NR6A1: variants seen among roughly 807,000 people sequenced by gnomAD.
The protein encoded by NR6A1 is nuclear receptor subfamily 6 group A member 1.
Under a neutral mutation model 59.1 loss-of-function variants are expected in NR6A1, and 7 were observed. That is an observed-to-expected ratio of 0.12 (90% confidence interval 0.07 to 0.22). The LOEUF (loss-of-function observed/expected upper bound fraction) is 0.22. Ranked by LOEUF, NR6A1 falls within the 10% of genes least tolerant of loss-of-function variation. The pLI is 1.00. For missense variants in NR6A1, 468 were observed against 611.6 expected (o/e 0.77, Z 2.48); for synonymous variants, 243 against 236.1 (o/e 1.03, Z -0.27).
chr9:124,554,538 T>C lies in NR6A1; in HGVS notation c.175A>G (p.Thr59Ala). Reference sequence around the variant, plus strand: ...GCGCGGTCCCCACAAATGAGACAGGTTCGTTGTTCAGCCCGATCATCTGAA... The same window carrying C: ...GCGCGGTCCCCACAAATGAGACAGGCTCGTTGTTCAGCCCGATCATCTGAA... ...SVSDDRAEQR[T>A]CLICGDRATG... The change falls in exon 3 of 10, where the codon ACC (threonine) becomes GCC (alanine). Residue 59 changes from threonine (T) to alanine (A), a missense_variant. Physicochemically the swap from Thr to Ala is moderately conservative, Grantham distance 58 (BLOSUM62 0). This residue lies in a region of NR6A1 where 66 missense variants were observed against 139.2 expected (regional missense o/e 0.47). Coordinates refer to ENST00000487099, the MANE Select transcript of NR6A1 (RefSeq NM_033334.4). 6.2e-7 allele frequency: 1 copy of C among 1,614,124 alleles called. No homozygotes were observed. The highest frequency in any genetic ancestry group is 8.5e-7 in the Non-Finnish European group (1 of 1,180,010).
At chr9:124,751,761 T>C (rs1172066089) in intron 1 of NR6A1, among the ~76,000 whole-genome samples, 1 of 152,180 alleles carries the variant, frequency 6.6e-6, no homozygotes, top group Non-Finnish European at 1.5e-5. Context: ...TACAATAAAT[T>C]AGAAATAGGA....
chr9:124,663,895 AAGTT>A (rs1473449079), intron 2 of NR6A1, among the ~76,000 whole-genome samples: 7 of 152,282 alleles, frequency 4.6e-5, no homozygotes, highest in Admixed American at 4.6e-4. Flanking sequence ...TGCTGATACA[AAGTT>A]AGTACCATTA....
At position 124,538,063 on chromosome 9, in the gene NR6A1, AGGGGCCAAGAAGGGCG is replaced by A. The variant is rs1282918226; in HGVS notation, c.824+13_824+28del. On this transcript the variant is annotated intron_variant, in intron 6 of 9. Transcript: ENST00000487099. ...GGGGTAGGGACACTTTGAGACTGCAAGGGGCCAAGAAGGGCGGAGCTCACTCACCCATCTTCAATCA... is the reference window on the plus strand; with the variant it reads ...GGGGTAGGGACACTTTGAGACTGCAAGAGCTCACTCACCCATCTTCAATCA... 6.4e-7 allele frequency: 1 copy of A among 1,570,276 alleles called. No homozygotes were observed. Among genetic ancestry groups the A allele is most frequent in the Non-Finnish European group, 8.7e-7 (1 of 1,153,974 alleles).
chr9:124,725,772 T>C (rs1195216627), intron 2 of NR6A1, among the ~76,000 whole-genome samples: 1 of 152,184 alleles, frequency 6.6e-6, no homozygotes, highest in Non-Finnish European at 1.5e-5. Flanking sequence ...AATTCGTCTC[T>C]AGTCAACTTA....
At chr9:124,749,767 A>G (rs1487391459) in intron 1 of NR6A1, among the ~76,000 whole-genome samples, 1 of 152,172 alleles carries the variant, frequency 6.6e-6, no homozygotes, top group Non-Finnish European at 1.5e-5. Flanking sequence ...CCCCGCTAAA[A>G]TCACACTCTT....
At chr9:124,650,333 G>T (rs563854016) in intron 2 of NR6A1, among the ~76,000 whole-genome samples, 91 of 152,034 alleles carry the variant, frequency 6.0e-4, no homozygotes, top group Non-Finnish European at 1.1e-3. Context: ...GCTGGGCACC[G>T]AAAGACAAAT....
At chr9:124,696,938 G>A (rs1299899953) in intron 2 of NR6A1, among the ~76,000 whole-genome samples, 1 of 152,194 alleles carries the variant, frequency 6.6e-6, no homozygotes, top group Non-Finnish European at 1.5e-5. Context: ...GATTATAGGC[G>A]TGAGCCACCG....
intron 2 of NR6A1, among the ~76,000 whole-genome samples, chr9:124,561,789 G>A (rs1024531057): frequency 2.0e-5 from 3 of 152,126 alleles, no homozygotes; most frequent in African/African-American, 4.8e-5. Context: ...GTATGCGCCT[G>A]TAATACCAGC....
chr9:124,740,198 T>C (rs1297444742), intron 1 of NR6A1, among the ~76,000 whole-genome samples: 1 of 152,168 alleles, frequency 6.6e-6, no homozygotes, highest in Admixed American at 6.5e-5. Flanking sequence ...GAGCCCACCT[T>C]TACTCACCAC....
chr9:124,624,195 T>C (rs1836168340), intron 2 of NR6A1, among the ~76,000 whole-genome samples: 1 of 151,886 alleles, frequency 6.6e-6, no homozygotes, highest in Admixed American at 6.6e-5. Context: ...GGGGCAAGAG[T>C]TAATGTACTC....
rs753948156 is a variant in NR6A1 at position 124,540,182 on chromosome 9, C to T, written c.447G>A (p.Ser149=). 19 of 1,612,852 alleles carry T rather than the reference C, an allele frequency of 1.2e-5. No individual in the cohort carries two copies. The highest frequency in any genetic ancestry group is 1.4e-5 in the Non-Finnish European group (16 of 1,179,504). ...RNKSIGPVQI[S]EEEIERIMSG... ...ACATGATCCTTTCGATTTCTTCTTC[C>T]GATATCTTTGACAAGGAATTGAGAC... Residue 149 remains serine (S), a synonymous_variant, in exon 5 of 10, where the codon TCG becomes TCA. Coordinates refer to ENST00000487099, the MANE Select transcript of NR6A1 (RefSeq NM_033334.4).
At chr9:124,679,645 C>A (rs1838070316) in intron 2 of NR6A1, among the ~76,000 whole-genome samples, 1 of 151,912 alleles carries the variant, frequency 6.6e-6, no homozygotes, top group South Asian at 2.1e-4. Flanking sequence ...AATTCCAGCA[C>A]TTTGAGAGGC....
chr9:124,639,740 G>A (rs1475862365), intron 2 of NR6A1, among the ~76,000 whole-genome samples: 3 of 152,180 alleles, frequency 2.0e-5, no homozygotes, highest in Admixed American at 2.0e-4. Context: ...CTGCTGAGAG[G>A]CTGAGTAAGA....
At chr9:124,695,522 C>A (rs1347254194) in intron 2 of NR6A1, among the ~76,000 whole-genome samples, 1 of 152,148 alleles carries the variant, frequency 6.6e-6, no homozygotes, top group South Asian at 2.1e-4. Context: ...CGCCACCACA[C>A]CCAGTCAATT....
At chr9:124,707,846 G>A (rs1175386174) in intron 2 of NR6A1, among the ~76,000 whole-genome samples, 4 of 152,114 alleles carry the variant, frequency 2.6e-5, no homozygotes, top group African/African-American at 9.7e-5. Flanking sequence ...AGTCAGAGAT[G>A]GTAATCAACC....
intron 2 of NR6A1, among the ~76,000 whole-genome samples, chr9:124,706,629 A>G (rs1036662689): frequency 1.3e-5 from 2 of 151,970 alleles, no homozygotes; most frequent in African/African-American, 4.8e-5. Flanking sequence ...CTCCTGCCTC[A>G]GCCTCTCCTG....
At chr9:124,584,030 ATCAC>A (rs1834848069) in intron 2 of NR6A1, among the ~76,000 whole-genome samples, 1 of 151,954 alleles carries the variant, frequency 6.6e-6, no homozygotes, top group Admixed American at 6.6e-5. Context: ...GCACAGAGCA[ATCAC>A]TAGTGAACAT....
rs1199342497 is a variant in NR6A1 at position 124,519,787 on chromosome 9, A to G, written c.*2918T>C. 1.3e-5 allele frequency: 2 copies of G among 151,624 alleles called. No homozygotes were observed. The highest frequency in any genetic ancestry group is 3.9e-4 in the East Asian group (2 of 5,140). The allele number at this position is 151,624 out of a possible 1,614,324, so 9.4% of individuals were successfully genotyped here. A position where few individuals can be genotyped will look rare whatever the true frequency, so the allele number is the denominator to read the frequency against. ...TGTGGTGGCGGGCGCCTGTAGTCCC[A>G]GCTACTCAGGAGGCTGAGGCAGGAG... On this transcript the variant is annotated 3_prime_UTR_variant, in exon 10 of 10. Transcript: ENST00000487099.
At chr9:124,553,271 C>G (rs1833827459) in intron 3 of NR6A1, among the ~76,000 whole-genome samples, 1 of 152,144 alleles carries the variant, frequency 6.6e-6, no homozygotes, top group Non-Finnish European at 1.5e-5. Flanking sequence ...GACACCGGCC[C>G]TTCTCTCTTC....
Sources: gnomAD v4.1 joint callset for allele counts (sites outside exome capture counted in the v4.1 genomes callset) on GRCh38, gnomAD v4.1.1 for gene constraint, gnomAD v4.1.1 regional missense constraint, MANE v1.5 for transcripts, NCBI Gene and HGNC (gene_info 2026-07-23, HGNC 2026-07-21) for gene names.